SLC25A13: variants seen among roughly 807,000 people sequenced by gnomAD.
The protein encoded by SLC25A13 is solute carrier family 25 member 13, also known as electrogenic aspartate/glutamate antiporter SLC25A13, mitochondrial.
Under a neutral mutation model 85.5 loss-of-function variants are expected in SLC25A13, and 70 were observed. The ratio of observed to expected loss-of-function variants is 0.82; its 90% CI spans 0.68 to 1.00. The LOEUF (loss-of-function observed/expected upper bound fraction) is 1.00, where lower values mean the gene tolerates loss of function less well. SLC25A13 is among the 50% of genes least tolerant of loss of function. The probability of loss-of-function intolerance (pLI) is 0.00; values close to 1 mark genes in which losing one functional copy is unlikely to be tolerated. For synonymous variants in SLC25A13, 259 were observed against 288.7 expected (o/e 0.90, Z 1.04); for missense variants, 765 against 819.8 (o/e 0.93, Z 0.82).
At chr7:96,293,030 T>C (rs1217495690) in intron 2 of SLC25A13, among the ~76,000 whole-genome samples, 10 of 152,158 alleles carry the variant, frequency 6.6e-5, no homozygotes, top group Admixed American at 6.5e-4. Flanking sequence ...CTTCAAACTA[T>C]ACTACAAAGC....
chr7:96,140,242 GCC>G (rs1253702678), intron 14 of SLC25A13, among the ~76,000 whole-genome samples: 59 of 151,748 alleles, frequency 3.9e-4, no homozygotes, highest in African/African-American at 1.3e-3. Flanking sequence ...ACAGGCGTGA[GCC>G]ACCGCGCCCG....
At chr7:96,195,453 CT>C (rs1795023784) in intron 5 of SLC25A13, among the ~76,000 whole-genome samples, 1 of 152,182 alleles carries the variant, frequency 6.6e-6, no homozygotes, top group South Asian at 2.1e-4. Flanking sequence ...TAAATTATCA[CT>C]GAGAGTCAGT....
At chr7:96,217,999 T>A (rs563143499) in intron 4 of SLC25A13, among the ~76,000 whole-genome samples, 26 of 151,668 alleles carry the variant, frequency 1.7e-4, no homozygotes, top group African/African-American at 6.3e-4. Flanking sequence ...ATTCGCTCAA[T>A]CTTTAAAATG....
At chr7:96,142,164 T>A (rs143645526) in intron 14 of SLC25A13, among the ~76,000 whole-genome samples, 108 of 152,262 alleles carry the variant, frequency 7.1e-4, no homozygotes, top group African/African-American at 2.6e-3. Flanking sequence ...CACATACAGG[T>A]TTGTTACAAG....
intron 4 of SLC25A13, chr7:96,219,836 G>A (rs1796042109): frequency 6.6e-6 from 3 of 455,072 alleles, no homozygotes; most frequent in Admixed American, 4.6e-5. Context: ...GTGACTGTGA[G>A]TCAACAACAA....
In SLC25A13 at chr7:96,276,662, G is replaced by A. The variant is rs564069598; in HGVS notation, c.212+534C>T. On this transcript the variant is annotated intron_variant, in intron 3 of 17. Coordinates refer to ENST00000265631, the MANE Select transcript of SLC25A13 (RefSeq NM_014251.3). ...AAAAAGTTCCAACAAAATGGAAGCA[G>A]AGAAGACTGGTAGGGAAAAAAAGAA... Among the ~76,000 whole-genome samples the A allele has an allele frequency of 7.2e-5, 11 of 152,214 alleles. No homozygotes were observed. The East Asian group carries it at 2.1e-3, about 29-fold the overall frequency.
At chr7:96,273,640 C>A (rs1798330658) in intron 3 of SLC25A13, among the ~76,000 whole-genome samples, 2 of 152,170 alleles carry the variant, frequency 1.3e-5, no homozygotes, top group South Asian at 4.1e-4. Flanking sequence ...AAAGACAGCA[C>A]AAAGATGGTA....
chr7:96,134,042 T>G (rs1225126375), intron 14 of SLC25A13, among the ~76,000 whole-genome samples: 14 of 151,082 alleles, frequency 9.3e-5, no homozygotes, highest in Admixed American at 3.3e-4. Flanking sequence ...TTTTTTGATA[T>G]GGAGTTTCAC....
intron 3 of SLC25A13, among the ~76,000 whole-genome samples, chr7:96,272,609 C>G (rs1464385004): frequency 6.6e-6 from 1 of 152,150 alleles, no homozygotes; most frequent in African/African-American, 2.4e-5. Context: ...GCAAGGAGCA[C>G]CTGAAAGCTG....
At chr7:96,179,197 A>G (rs1794332156) in intron 11 of SLC25A13, among the ~76,000 whole-genome samples, 1 of 152,218 alleles carries the variant, frequency 6.6e-6, no homozygotes, top group East Asian at 1.9e-4. Context: ...ATACTCCTGC[A>G]GTTTTTCACC....
intron 3 of SLC25A13, among the ~76,000 whole-genome samples, chr7:96,243,715 G>A (rs982839531): frequency 1.3e-5 from 2 of 152,138 alleles, no homozygotes; most frequent in African/African-American, 4.8e-5. Flanking sequence ...GCCAGGAAAA[G>A]AGTTGGAGGA....
intron 4 of SLC25A13, among the ~76,000 whole-genome samples, chr7:96,221,736 G>T (rs1796138226): frequency 6.6e-6 from 1 of 152,146 alleles, no homozygotes. Flanking sequence ...ATCATTTTCT[G>T]CAACCTGAAT....
chr7:96,291,446 G>C (rs1317272631), intron 2 of SLC25A13, among the ~76,000 whole-genome samples: 2 of 152,142 alleles, frequency 1.3e-5, no homozygotes, highest in Non-Finnish European at 2.9e-5. Context: ...AACTGAAGGA[G>C]ATGGAGACAC....
At chr7:96,217,320 C>A in intron 4 of SLC25A13, among the ~76,000 whole-genome samples, 1 of 152,210 alleles carries the variant, frequency 6.6e-6, no homozygotes, top group Non-Finnish European at 1.5e-5. Flanking sequence ...GGAAAACAGT[C>A]TGGCAGTTCC....
chr7:96,224,485 C>T (rs1189794033), intron 4 of SLC25A13, among the ~76,000 whole-genome samples: 1 of 152,180 alleles, frequency 6.6e-6, no homozygotes, highest in Non-Finnish European at 1.5e-5. Flanking sequence ...CCCCTCTATC[C>T]TCAACCTGGA....
chr7:96,121,813 TA>T, intron 16 of SLC25A13, 25 bp downstream of exon 16: 1 of 1,614,156 alleles, frequency 6.2e-7, no homozygotes, highest in Non-Finnish European at 8.5e-7. Context: ...ACCAAAGAGT[TA>T]GTTAAGAACA....
At position 96,208,996 on chromosome 7, in the gene SLC25A13, G is replaced by T; in HGVS notation, c.329-19C>A. 6.2e-7 allele frequency: 1 copy of T among 1,613,106 alleles called. No homozygotes were observed. Among genetic ancestry groups the T allele is most frequent in the South Asian group, 1.1e-5 (1 of 91,040 alleles). ...ACATCCTCTGAAAAGAGAAAAGACA[G>T]GTTGATTAAAACAAAGTAAATGAAG... is the stretch of plus-strand genomic sequence containing the variant. On this transcript the variant is annotated intron_variant, in intron 4 of 17. Transcript: ENST00000265631.
chr7:96,237,000 G>C (rs1796768887), intron 3 of SLC25A13, among the ~76,000 whole-genome samples: 1 of 152,144 alleles, frequency 6.6e-6, no homozygotes, highest in Non-Finnish European at 1.5e-5. Flanking sequence ...TGCCACCACT[G>C]TCCAAAGGTG....
Position 96,277,290 on chromosome 7 carries a change from A to G in SLC25A13, c.118T>C (p.Phe40Leu), listed in dbSNP as rs1798491296. ...NGEFFMSPND[F>L]VTRYLNIFGE... ...AAAATGTTCAAGTATCGAGTGACAA[A>G]GTCATTGGGGGACATGAAAAATTCA... The change falls in exon 3 of 18, where the codon TTT becomes CTT. Residue 40 changes from phenylalanine to leucine, a missense_variant. Transcript: ENST00000265631. 1 of 1,612,970 alleles carries G rather than the reference A, an allele frequency of 6.2e-7. No homozygotes were observed. The highest frequency in any genetic ancestry group is 8.5e-7 in the Non-Finnish European group (1 of 1,179,548).
Sources: allele counts gnomAD v4.1 joint callset (sites outside exome capture counted in the v4.1 genomes callset), GRCh38; gene constraint gnomAD v4.1.1; transcripts MANE v1.5; gene names NCBI Gene and HGNC (gene_info 2026-07-23, HGNC 2026-07-21).